METAP1D: variants seen among roughly 807,000 people sequenced by gnomAD.
METAP1D encodes the protein methionine aminopeptidase 1D, mitochondrial.
Under a neutral mutation model 40.5 loss-of-function variants are expected in METAP1D, and 31 were observed. The observed-to-expected ratio is 0.77, with a 90% CI of 0.58 to 1.03. The LOEUF is 1.03. METAP1D is among the 50% of genes least tolerant of loss of function. The pLI is 0.00. For missense variants in METAP1D, 411 were observed against 420.7 expected, an observed-to-expected ratio of 0.98 and a Z score of 0.20; for synonymous variants, 151 against 146.4, an observed-to-expected ratio of 1.03 and a Z score of -0.22.
intron 1 of METAP1D, among the ~76,000 whole-genome samples, chr2:172,055,857 G>A (rs1689991283): frequency 1.3e-5 from 2 of 152,090 alleles, no homozygotes; most frequent in Admixed American, 6.5e-5. Context: ...CTGACGTTTC[G>A]AATTTTACCA....
intron 1 of METAP1D, among the ~76,000 whole-genome samples, chr2:172,034,405 TTG>T (rs377629727): frequency 0.2 from 27,937 of 141,640 alleles, 2,828 homozygotes; most frequent in South Asian, 0.27. Flanking sequence ...GTCTCAGTTT[TTG>T]TGTGTGTGTG....
chr2:172,014,662 T>C (rs1189639754), intron 1 of METAP1D, among the ~76,000 whole-genome samples: 1 of 152,142 alleles, frequency 6.6e-6, no homozygotes, highest in African/African-American at 2.4e-5. Flanking sequence ...CATCTTTTTT[T>C]CTTTTTTTGA....
chr2:172,033,639 A>G (rs987501825), intron 1 of METAP1D, among the ~76,000 whole-genome samples: 1 of 152,098 alleles, frequency 6.6e-6, no homozygotes, highest in Non-Finnish European at 1.5e-5. Context: ...TACAGGTGTG[A>G]GCCACCGGGC....
intron 1 of METAP1D, among the ~76,000 whole-genome samples, chr2:172,001,330 A>T (rs1688456176): frequency 6.6e-6 from 1 of 152,032 alleles, no homozygotes; most frequent in East Asian, 1.9e-4. Flanking sequence ...ACTTGAGGTC[A>T]GAAGTTCAAG....
At position 171,999,996 on chromosome 2, in the gene METAP1D, G is replaced by A; in HGVS notation, c.27G>A (p.Leu9=). The A allele has an allele frequency of 7.4e-7, 1 of 1,343,024 alleles. No homozygotes were observed. The highest frequency in any genetic ancestry group is 1.9e-5 in the South Asian group (1 of 52,920). 83.2% of individuals were successfully genotyped at this position (1,343,024 alleles called of 1,614,324 possible). A position where few individuals can be genotyped will look rare whatever the true frequency, so the allele number is the denominator to read the frequency against. ...TGGCGGCGCCCAGTGGCGTCCACCT[G>A]CTCGTCCGCAGAGGTAAGCGCGTGG... MAAPSGVH[L]LVRRGSHRIF... The change falls in exon 1 of 10, where the codon CTG becomes CTA. Residue 9 remains leucine, a synonymous_variant. Coordinates refer to ENST00000315796, the MANE Select transcript of METAP1D (RefSeq NM_199227.3).
chr2:172,045,222 G>T (rs1275014197), intron 1 of METAP1D, among the ~76,000 whole-genome samples: 1 of 134,054 alleles, frequency 7.5e-6, no homozygotes, highest in Non-Finnish European at 1.7e-5. Flanking sequence ...GTCATCACTT[G>T]TGCAACTGTA....
chr2:172,047,315 G>C (rs1375353593), intron 1 of METAP1D, among the ~76,000 whole-genome samples: 1 of 152,166 alleles, frequency 6.6e-6, no homozygotes, highest in African/African-American at 2.4e-5. Flanking sequence ...TAAACAGATT[G>C]TGCACCAAGA....
At chr2:172,003,161 G>T (rs1042651957) in intron 1 of METAP1D, among the ~76,000 whole-genome samples, 12 of 152,164 alleles carry the variant, frequency 7.9e-5, no homozygotes, top group African/African-American at 2.9e-4. Context: ...ACTATGAGTA[G>T]TGACATTGGA....
intron 1 of METAP1D, among the ~76,000 whole-genome samples, chr2:172,006,508 C>A (rs767371418): frequency 1.3e-5 from 2 of 152,036 alleles, no homozygotes; most frequent in Admixed American, 1.3e-4. Flanking sequence ...TATGAAATAC[C>A]CGCTTTCCTC....
intron 5 of METAP1D, among the ~76,000 whole-genome samples, chr2:172,069,768 T>G (rs1690378609): frequency 6.6e-6 from 1 of 152,208 alleles, no homozygotes; most frequent in African/African-American, 2.4e-5. Context: ...AACCTGAATC[T>G]ACCTCTATAT....
chr2:172,010,267 A>G (rs189308966), intron 1 of METAP1D, among the ~76,000 whole-genome samples: 2 of 151,166 alleles, frequency 1.3e-5, no homozygotes, highest in African/African-American at 2.4e-5. Context: ...CAGCCCCCCA[A>G]GTAGCTGGGA....
chr2:172,080,713 G>A lies in METAP1D; in HGVS notation c.*307G>A, dbSNP rs913324800. On this transcript the variant is annotated 3_prime_UTR_variant, in exon 10 of 10. Transcript: ENST00000315796. ...TTGGAAGAGATTCCAAGAGAAGCAC[G>A]GTTTTCTCTTTCCCTTGCCCTGACT... The A allele has an allele frequency of 4.6e-5, 24 of 521,036 alleles. No individual in the cohort carries two copies. The highest frequency in any genetic ancestry group is 4.6e-4 in the South Asian group (21 of 45,772). 32.3% of individuals were successfully genotyped at this position (521,036 alleles called of 1,614,324 possible).
Position 172,071,029 on chromosome 2 carries a change from C to T in METAP1D, c.663C>T (p.Cys221=). The T allele has an allele frequency of 6.2e-7, 1 of 1,612,592 alleles. No individual in the cohort carries two copies. The highest frequency in any genetic ancestry group is 2.2e-5 in the East Asian group (1 of 44,810). Residue 221 remains cysteine, a synonymous_variant, in exon 6 of 10, where the codon TGC becomes TGT. Coordinates refer to ENST00000315796, the MANE Select transcript of METAP1D (RefSeq NM_199227.3). ...GTAGAGATGAAGCAATTGCAGCTTG[C>T]AGAGCAGGGGCTCCCTTCTCTGTAA... ...RRCRDEAIAA[C]RAGAPFSVIG...
rs776481643 is a variant in METAP1D, at chr2:172,036,197, G to A, written c.41-25301G>A. ...CTGGGCGTGGTGGCGGGTGCCTGTA[G>A]TCCCAGCTACTTGGGAGGCTGAGGC... On this transcript the variant is annotated intron_variant, in intron 1 of 9. Coordinates refer to ENST00000315796, the MANE Select transcript of METAP1D (RefSeq NM_199227.3). Among the ~76,000 whole-genome samples the A allele has an allele frequency of 6.9e-4, 104 of 150,262 alleles. 1 individual carries two copies. Among genetic ancestry groups the A allele is most frequent in the Non-Finnish European group, 1.2e-3 (79 of 67,394 alleles).
chr2:172,037,385 C>T (rs996080307), intron 1 of METAP1D, among the ~76,000 whole-genome samples: 1 of 151,812 alleles, frequency 6.6e-6, no homozygotes, highest in African/African-American at 2.4e-5. Flanking sequence ...GTCTTCCTAC[C>T]TAACAACTGC....
chr2:172,006,338 C>T (rs1343035952), intron 1 of METAP1D, among the ~76,000 whole-genome samples: 7 of 152,166 alleles, frequency 4.6e-5, no homozygotes, highest in African/African-American at 1.7e-4. Context: ...CACCTGCCAC[C>T]ACGCCCAGCT....
At chr2:172,059,246 T>C (rs1013537210) in intron 1 of METAP1D, among the ~76,000 whole-genome samples, 4 of 151,906 alleles carry the variant, frequency 2.6e-5, no homozygotes, top group Admixed American at 2.6e-4. Context: ...GTAGCTGGGA[T>C]TACAGGCGCG....
chr2:172,079,158 T>C (rs3814049), intron 7 of METAP1D, 57 bp from the exon 8 acceptor site: 265,676 of 1,579,724 alleles, frequency 0.17, 25,209 homozygotes, highest in Middle Eastern at 0.31. Flanking sequence ...GTAATCTGTT[T>C]TTTTTTTCTG....
intron 6 of METAP1D, 104 bp from the exon 7 acceptor site, chr2:172,077,693 G>C: frequency 1.8e-6 from 1 of 567,020 alleles, no homozygotes; most frequent in Non-Finnish European, 3.1e-6. Context: ...AAATATTACT[G>C]ACTTTTTCTT....
Sources: allele counts gnomAD v4.1 joint callset (sites outside exome capture counted in the v4.1 genomes callset), GRCh38; gene constraint gnomAD v4.1.1; transcripts MANE v1.5; gene names NCBI Gene and HGNC (gene_info 2026-07-23, HGNC 2026-07-21).